OR6J1: variants seen among roughly 807,000 people sequenced by gnomAD.
The protein encoded by OR6J1 is olfactory receptor family 6 subfamily J member 1.
For missense variants in OR6J1, 304 were observed against 166.8 expected, an observed-to-expected ratio of 1.82 and a Z score of -4.53; for synonymous variants, 109 against 70.0, an observed-to-expected ratio of 1.56 and a Z score of -2.78.
At chr14:22,642,459 C>A (rs2037660087) in intron 1 of OR6J1, among the ~76,000 whole-genome samples, 1 of 151,520 alleles carries the variant, frequency 6.6e-6, no homozygotes, top group South Asian at 2.1e-4. Flanking sequence ...CTGCCTCAGC[C>A]TCCTGAGTAA....
chr14:22,638,832 A>G (rs1347164528), intron 1 of OR6J1, among the ~76,000 whole-genome samples: 4 of 137,178 alleles, frequency 2.9e-5, no homozygotes, highest in Non-Finnish European at 1.5e-5. Flanking sequence ...CAGTCTGGAA[A>G]GTGAGGAGCG....
At chr14:22,641,208 GATAAGAA>G (rs1204079613) in intron 1 of OR6J1, among the ~76,000 whole-genome samples, 1 of 25,320 alleles carries the variant, frequency 3.9e-5, no homozygotes, top group East Asian at 1.4e-3. Flanking sequence ...GGGAGAGAAA[GATAAGAA>G]AGAAAGAAAG....
At chr14:22,642,862 G>A (rs997705832) in intron 1 of OR6J1, among the ~76,000 whole-genome samples, 2 of 151,938 alleles carry the variant, frequency 1.3e-5, no homozygotes, top group African/African-American at 4.8e-5. Flanking sequence ...TAGTGCAGTG[G>A]CATGAAGATA....
chr14:22,639,995 TAA>T lies in OR6J1; in HGVS notation c.-28+4101_-28+4102del, dbSNP rs1016510047. Among the ~76,000 whole-genome samples the T allele has an allele frequency of 2.2e-3, 241 of 108,138 alleles. 33 individuals are homozygous for T. The highest frequency in any genetic ancestry group is 5.8e-3 in the African/African-American group (195 of 33,646). 70.9% of individuals were successfully genotyped at this position (108,138 alleles called of 152,430 possible). A position where few individuals can be genotyped will look rare whatever the true frequency, so the allele number is the denominator to read the frequency against. On this transcript the variant is annotated intron_variant, in intron 1 of 1. Coordinates refer to ENST00000540461, the MANE Select transcript of OR6J1 (RefSeq NM_001348233.2). ...AGAATTATCAATAAAAAAATAAATTTAAAAAAAAAAAAAATTTACACTGCTAG... is the reference window on the plus strand; with the variant it reads ...AGAATTATCAATAAAAAAATAAATTTAAAAAAAAAAAATTTACACTGCTAG...
rs928165342 is a variant in OR6J1 at position 22,634,017 on chromosome 14, T to C, written c.795A>G (p.Glu265=). 13 of 702,782 alleles carry C rather than the reference T, an allele frequency of 1.8e-5. No individual in the cohort carries two copies. The highest frequency in any genetic ancestry group is 3.1e-5 in the Non-Finnish European group (12 of 384,862). 43.5% of individuals were successfully genotyped at this position (702,782 alleles called of 1,614,324 possible). ...AAGGGATCTTGTTGATCTCCAGATA[T>C]TCTTTCTGGGAGGGAGTCACATAGA... ...VFIYVTPSQK[E]YLEINKIPLV... The change falls in exon 2 of 2, where the codon GAA becomes GAG. Residue 265 remains glutamate, a synonymous_variant. Coordinates refer to ENST00000540461, the MANE Select transcript of OR6J1 (RefSeq NM_001348233.2).
rs535879477 is a variant in OR6J1 at position 22,634,825 on chromosome 14, C to T, written c.-14G>A. The T allele has an allele frequency of 6.0e-6, 4 of 665,430 alleles. No homozygotes were observed. Among genetic ancestry groups the T allele is most frequent in the Non-Finnish European group, 1.1e-5 (4 of 367,482 alleles). 41.2% of individuals were successfully genotyped at this position (665,430 alleles called of 1,614,324 possible). A position where few individuals can be genotyped will look rare whatever the true frequency, so the allele number is the denominator to read the frequency against. On this transcript the variant is annotated 5_prime_UTR_variant, in exon 2 of 2. Coordinates refer to ENST00000540461, the MANE Select transcript of OR6J1 (RefSeq NM_001348233.2). ...CCAGTTACCCATGGGCCTGGTGGGC[C>T]TGGCTCAATTCTCCTAACAGAACAA...
rs1338010934 is a variant in OR6J1 at position 22,639,251 on chromosome 14, G to T, written c.-27-4413C>A. On this transcript the variant is annotated intron_variant, in intron 1 of 1. Transcript: ENST00000540461. Reference sequence around the variant, plus strand: ...GGAGGTGGTGGGGGGTCAGCCCCCCGCCAGGCCAGCCGCCCCGTCCGGGAG... The same window carrying T: ...GGAGGTGGTGGGGGGTCAGCCCCCCTCCAGGCCAGCCGCCCCGTCCGGGAG... Among the ~76,000 whole-genome samples, 3 of 123,424 alleles carry T rather than the reference G, an allele frequency of 2.4e-5. 1 individual carries two copies. Among genetic ancestry groups the T allele is most frequent in the Non-Finnish European group, 3.3e-5 (2 of 61,358 alleles). The allele number at this position is 123,424 out of a possible 152,430, so 81.0% of individuals were successfully genotyped here.
chr14:22,639,168 A>G (rs2037621918), intron 1 of OR6J1, among the ~76,000 whole-genome samples: 3 of 99,876 alleles, frequency 3.0e-5, no homozygotes. Flanking sequence ...TCCGCCCGGC[A>G]GCCACCCCAT....
chr14:22,635,246 C>T (rs1370044651), intron 1 of OR6J1, among the ~76,000 whole-genome samples: 1 of 152,094 alleles, frequency 6.6e-6, no homozygotes, highest in Admixed American at 6.5e-5. Context: ...TTGGCAACAA[C>T]TTTAATATCC....
chr14:22,636,283 T>C (rs1440034030), intron 1 of OR6J1, among the ~76,000 whole-genome samples: 1 of 12 alleles, frequency 0.083, no homozygotes, highest in Non-Finnish European at 0.12. Context: ...TCCCTCTCCC[T>C]CTCCCTCTCC....
rs1019865936 is a variant in OR6J1 at position 22,634,383 on chromosome 14, G to A, written c.429C>T (p.Thr143=). Residue 143 remains threonine (T), a synonymous_variant, in exon 2 of 2, where the codon ACC becomes ACT. Transcript: ENST00000540461. ...AGCCTCCCACCCAAGAGAATACAAC[G>A]GTCCCAATGCAGACAGAAGGTCTCA... The part of the protein sequence containing the change: ...TIMRPSVCIG[T]VVFSWVGGFL... 12 of 703,244 alleles carry A rather than the reference G, an allele frequency of 1.7e-5. No homozygotes were observed. Among genetic ancestry groups the A allele is most frequent in the African/African-American group, 1.2e-4 (7 of 57,214 alleles). 43.6% of individuals were successfully genotyped at this position (703,244 alleles called of 1,614,324 possible).
At position 22,639,675 on chromosome 14, in the gene OR6J1, G is replaced by A. The variant is rs1327718444; in HGVS notation, c.-28+4423C>T. Among the ~76,000 whole-genome samples the A allele has an allele frequency of 7.9e-5, 10 of 126,130 alleles. No individual in the cohort carries two copies. The East Asian group carries it at 1.4e-3, about 18-fold the overall frequency. The allele number at this position is 126,130 out of a possible 152,430, so 82.7% of individuals were successfully genotyped here. A position where few individuals can be genotyped will look rare whatever the true frequency, so the allele number is the denominator to read the frequency against. ...CTCTGCCTTGGGATCCTGTTGATCT[G>A]TGACCTTACCCCCAACCCGGTGCTC... is the stretch of plus-strand genomic sequence containing the variant. On this transcript the variant is annotated intron_variant, in intron 1 of 1. Coordinates refer to ENST00000540461, the MANE Select transcript of OR6J1 (RefSeq NM_001348233.2).
At chr14:22,641,577 A>AAGAC (rs1209461801) in intron 1 of OR6J1, among the ~76,000 whole-genome samples, 1 of 144,382 alleles carries the variant, frequency 6.9e-6, no homozygotes, top group South Asian at 2.3e-4. Context: ...AAAAGAAAGA[A>AAGAC]GGAAAGAAAA....
chr14:22,644,319 ACAG>A lies in OR6J1; in HGVS notation c.-252_-250del, dbSNP rs1340440649. On this transcript the variant is annotated 5_prime_UTR_variant, in exon 1 of 2. Transcript: ENST00000540461. ...CGACGAGCATGCACTTGTGTTGTAGACAGCTGGAAGGTACATGTTGGATTTTTA... is the reference window on the plus strand; with the variant it reads ...CGACGAGCATGCACTTGTGTTGTAGACTGGAAGGTACATGTTGGATTTTTA... The A allele has an allele frequency of 6.6e-6, 1 of 152,212 alleles. No individual in the cohort carries two copies. The highest frequency in any genetic ancestry group is 2.4e-5 in the African/African-American group (1 of 41,432). The allele number at this position is 152,212 out of a possible 1,614,324, so 9.4% of individuals were successfully genotyped here.
rs1277194990 is a variant in OR6J1 at position 22,638,943 on chromosome 14, G to A, written c.-27-4105C>T. On this transcript the variant is annotated intron_variant, in intron 1 of 1. Transcript: ENST00000540461. Reference sequence around the variant, plus strand: ...GAGCGTCTCTGCCCGGCCGCCCATCGTCTGAGATGTGGGGAGCGCCTCTGC... The same window carrying A: ...GAGCGTCTCTGCCCGGCCGCCCATCATCTGAGATGTGGGGAGCGCCTCTGC... Among the ~76,000 whole-genome samples, 60 of 109,150 alleles carry A rather than the reference G, an allele frequency of 5.5e-4. 2 individuals are homozygous for A. The highest frequency in any genetic ancestry group is 1.0e-3 in the Non-Finnish European group (55 of 55,216). The allele number at this position is 109,150 out of a possible 152,430, so 71.6% of individuals were successfully genotyped here. A position where few individuals can be genotyped will look rare whatever the true frequency, so the allele number is the denominator to read the frequency against.
chr14:22,643,592 T>C (rs1349265424), intron 1 of OR6J1, among the ~76,000 whole-genome samples: 1 of 151,902 alleles, frequency 6.6e-6, no homozygotes, highest in Non-Finnish European at 1.5e-5. Flanking sequence ...CCACTTACTA[T>C]AATATTTGTA....
intron 1 of OR6J1, among the ~76,000 whole-genome samples, chr14:22,643,157 AG>A (rs1232388084): frequency 2.6e-5 from 4 of 151,882 alleles, no homozygotes; most frequent in African/African-American, 9.7e-5. Flanking sequence ...TAGTAGAGAC[AG>A]GGTTTCCCCA....
chr14:22,632,662 GC>G lies in OR6J1; in HGVS notation c.*1105del, dbSNP rs1203473962. Reference sequence around the variant, plus strand: ...AGATAATGAACTTTGTAGTCAAGCTGCTTTTTGGTCACAAGAATCTAAGACC... The same window carrying G: ...AGATAATGAACTTTGTAGTCAAGCTGTTTTTGGTCACAAGAATCTAAGACC... On this transcript the variant is annotated 3_prime_UTR_variant, in exon 2 of 2. Coordinates refer to ENST00000540461, the MANE Select transcript of OR6J1 (RefSeq NM_001348233.2). 1 of 152,218 alleles carries G rather than the reference GC, an allele frequency of 6.6e-6. No homozygotes were observed. Among genetic ancestry groups the G allele is most frequent in the African/African-American group, 2.4e-5 (1 of 41,446 alleles). 9.4% of individuals were successfully genotyped at this position (152,218 alleles called of 1,614,324 possible).
rs1163938326 is a variant in OR6J1 at position 22,641,210 on chromosome 14, T to TAAAGAAAGAAAGAAAGAAAGA, written c.-28+2887_-28+2888insTCTTTCTTTCTTTCTTTCTTT. On this transcript the variant is annotated intron_variant, in intron 1 of 1. Coordinates refer to ENST00000540461, the MANE Select transcript of OR6J1 (RefSeq NM_001348233.2). ...AGAGAGACAGAGAGGGAGAGAAAGA[T>TAAAGAAAGAAAGAAAGAAAGA]AAGAAAGAAAGAAAGAAAGAAAGAA... is the stretch of plus-strand genomic sequence containing the variant. 1.1e-3 allele frequency among the ~76,000 whole-genome samples: 139 copies of TAAAGAAAGAAAGAAAGAAAGA among 122,580 alleles called. 9 individuals carry two copies. Among genetic ancestry groups the TAAAGAAAGAAAGAAAGAAAGA allele is most frequent in the East Asian group, 4.4e-3 (19 of 4,352 alleles). The allele number at this position is 122,580 out of a possible 152,430, so 80.4% of individuals were successfully genotyped here. A position where few individuals can be genotyped will look rare whatever the true frequency, so the allele number is the denominator to read the frequency against.
Sources: allele counts gnomAD v4.1 joint callset (sites outside exome capture counted in the v4.1 genomes callset), GRCh38; gene constraint gnomAD v4.1.1; transcripts MANE v1.5; gene names NCBI Gene and HGNC (gene_info 2026-07-23, HGNC 2026-07-21).